SLC6A13: variants seen among roughly 807,000 people sequenced by gnomAD.
The protein encoded by SLC6A13 is sodium- and chloride-dependent GABA transporter 2.
SLC6A13 carries 69 observed loss-of-function variants against 72.9 expected under a neutral mutation model. The ratio of observed to expected loss-of-function variants is 0.95; its 90% CI spans 0.78 to 1.16. The LOEUF is 1.16. SLC6A13 is among the 50% of genes most tolerant of loss of function. The probability of loss-of-function intolerance (pLI) is 0.00; values close to 1 mark genes in which losing one functional copy is unlikely to be tolerated. For synonymous variants in SLC6A13, 303 were observed against 303.0 expected, an observed-to-expected ratio of 1.00 and a Z score of 0.00; for missense variants, 735 against 760.5, an observed-to-expected ratio of 0.97 and a Z score of 0.39.
rs754406943 is a variant in SLC6A13, at chr12:237,108, G to A, written c.696+50C>T. On this transcript the variant is annotated intron_variant, in intron 6 of 14. Coordinates refer to ENST00000343164, the MANE Select transcript of SLC6A13 (RefSeq NM_016615.5). ...GAGAACTCCTGGGTGACAGCCCCCAGTGAGGGCAGGAGTCCGGGAATGGGA... is the reference window on the plus strand; with the variant it reads ...GAGAACTCCTGGGTGACAGCCCCCAATGAGGGCAGGAGTCCGGGAATGGGA... 4.4e-6 allele frequency: 7 copies of A among 1,599,788 alleles called. No homozygotes were observed. In the African/African-American group the frequency reaches 9.4e-5, roughly 21 times the overall value.
Position 247,086 on chromosome 12 carries a change from AGTG to A in SLC6A13, c.203-3276_203-3274del, listed in dbSNP as rs1942383041. On this transcript the variant is annotated intron_variant, in intron 2 of 14. Coordinates refer to ENST00000343164, the MANE Select transcript of SLC6A13 (RefSeq NM_016615.5). ...TTTTTAAAAAGAACAGGTATGCCTA[AGTG>A]GTGAGACAGCTTCAAAAAGCCTAAT... Among the ~76,000 whole-genome samples, 10 of 151,982 alleles carry A rather than the reference AGTG, an allele frequency of 6.6e-5. No individual in the cohort carries two copies. In the South Asian group the frequency reaches 2.1e-3, roughly 32 times the overall value.
intron 2 of SLC6A13, among the ~76,000 whole-genome samples, chr12:249,750 T>A (rs1942471900): frequency 6.6e-6 from 1 of 152,042 alleles, no homozygotes; most frequent in African/African-American, 2.4e-5. Flanking sequence ...CCCAACCAAT[T>A]TTATAAAGTG....
chr12:256,658 A>T (rs1461802217), intron 2 of SLC6A13: 1 of 152,208 alleles, frequency 6.6e-6, no homozygotes, highest in Non-Finnish European at 1.5e-5. Flanking sequence ...AAACCAAAGA[A>T]GATGTCACTT....
At chr12:245,787 ATC>A (rs1461653024) in intron 2 of SLC6A13, among the ~76,000 whole-genome samples, 1 of 152,118 alleles carries the variant, frequency 6.6e-6, no homozygotes, top group East Asian at 1.9e-4. Flanking sequence ...GATCGAGACC[ATC>A]CTGGCCAACA....
chr12:251,679 G>A (rs1341715868), intron 2 of SLC6A13, among the ~76,000 whole-genome samples: 1 of 152,178 alleles, frequency 6.6e-6, no homozygotes, highest in African/African-American at 2.4e-5. Context: ...CAGTCCAGGT[G>A]CAGTGGCTCA....
At chr12:240,049 A>G (rs1489384938) in intron 4 of SLC6A13, among the ~76,000 whole-genome samples, 1 of 152,198 alleles carries the variant, frequency 6.6e-6, no homozygotes, top group Non-Finnish European at 1.5e-5. Context: ...GCCACCAAAA[A>G]TTGACAAAAT....
chr12:241,053 C>T (rs765009877), intron 4 of SLC6A13, among the ~76,000 whole-genome samples: 6 of 152,208 alleles, frequency 3.9e-5, no homozygotes, highest in Non-Finnish European at 8.8e-5. Context: ...CGCCTGTAAT[C>T]CCAGCGCTTT....
At chr12:229,745 G>A (rs1941627053) in intron 7 of SLC6A13, among the ~76,000 whole-genome samples, 1 of 152,142 alleles carries the variant, frequency 6.6e-6, no homozygotes, top group East Asian at 1.9e-4. Context: ...GTGCAGACTG[G>A]GCCATGAATT....
chr12:241,646 T>C (rs1942171911), intron 4 of SLC6A13, among the ~76,000 whole-genome samples: 1 of 152,248 alleles, frequency 6.6e-6, no homozygotes, highest in African/African-American at 2.4e-5. Flanking sequence ...AATAAATAAA[T>C]AACCACATGT....
At chr12:226,564 C>T (rs1359787210) in intron 8 of SLC6A13, 50 bp from the exon 9 acceptor site, 1 of 1,582,356 alleles carries the variant, frequency 6.3e-7, no homozygotes, top group African/African-American at 1.3e-5. Flanking sequence ...CAGAACAGGG[C>T]TGCAACCTCT....
At position 243,791 on chromosome 12, in the gene SLC6A13, G is replaced by C. The variant is rs557961684; in HGVS notation, c.225C>G (p.Leu75=). Reference sequence around the variant, plus strand: ...GAATGCCACAGGTAAAGAGGAAGACGAGGTAGGGGATGAAGAAGGCACCTG... The same window carrying C: ...GAATGCCACAGGTAAAGAGGAAGACCAGGTAGGGGATGAAGAAGGCACCTG... The part of the protein sequence containing the change: ...NGGGAFFIPY[L]VFLFTCGIPV... Residue 75 remains leucine, a synonymous_variant, in exon 3 of 15, where the codon CTC becomes CTG. Coordinates refer to ENST00000343164, the MANE Select transcript of SLC6A13 (RefSeq NM_016615.5). The C allele has an allele frequency of 5.6e-6, 9 of 1,614,034 alleles. No homozygotes were observed. In the African/African-American group the frequency reaches 1.1e-4, roughly 19 times the overall value.
chr12:252,058 G>T (rs1316301382), intron 2 of SLC6A13, among the ~76,000 whole-genome samples: 3 of 152,190 alleles, frequency 2.0e-5, no homozygotes, highest in Non-Finnish European at 2.9e-5. Context: ...GGACTTGTGT[G>T]TTAGAATATA....
intron 9 of SLC6A13, among the ~76,000 whole-genome samples, chr12:226,143 A>C (rs761449558): frequency 5.9e-5 from 9 of 152,248 alleles, no homozygotes; most frequent in Admixed American, 2.6e-4. Flanking sequence ...GAAATAGATA[A>C]CATTGGCTGC....
chr12:250,306 A>C (rs1942490769), intron 2 of SLC6A13, among the ~76,000 whole-genome samples: 1 of 152,170 alleles, frequency 6.6e-6, no homozygotes, highest in Non-Finnish European at 1.5e-5. Context: ...AGGCAAGATA[A>C]GGAATTAAAG....
rs945164918 is a variant in SLC6A13, at chr12:258,006, T to C, written c.202+1845A>G. On this transcript the variant is annotated intron_variant, in intron 2 of 14. Transcript: ENST00000343164. Reference sequence around the variant, plus strand: ...CCAATGCCAGATTAGTCCCCCAGCCTCCAGCTTTCACCCTGGGCCAGCTCC... The same window carrying C: ...CCAATGCCAGATTAGTCCCCCAGCCCCCAGCTTTCACCCTGGGCCAGCTCC... Among the ~76,000 whole-genome samples, 4 of 152,282 alleles carry C rather than the reference T, an allele frequency of 2.6e-5. No homozygotes were observed. In the East Asian group the frequency reaches 7.7e-4, roughly 29 times the overall value.
chr12:235,627 T>C (rs1941903501), intron 6 of SLC6A13, among the ~76,000 whole-genome samples: 1 of 151,906 alleles, frequency 6.6e-6, no homozygotes, highest in Non-Finnish European at 1.5e-5. Context: ...GTTTGAACAA[T>C]ATGAAATCAG....
chr12:220,962 C>G lies in SLC6A13; in HGVS notation c.1795G>C (p.Glu599Gln). 1.9e-6 allele frequency: 3 copies of G among 1,612,882 alleles called. No homozygotes were observed. The highest frequency in any genetic ancestry group is 1.7e-4 in the Middle Eastern group (1 of 6,054). The change falls in exon 15 of 15, where the codon GAG becomes CAG. Residue 599 changes from glutamate (E) to glutamine (Q), a missense_variant. Coordinates refer to ENST00000343164, the MANE Select transcript of SLC6A13 (RefSeq NM_016615.5). ...GGGCCTGCCCCCTAGCAGTGAGACT[C>G]TAGCTCTGTGAGTCTGAGCAGTGAG... Reference protein sequence around the residue: ...RTSLLRLTELESHC With the variant: ...RTSLLRLTELQSHC
chr12:258,031 C>G (rs554253149), intron 2 of SLC6A13, among the ~76,000 whole-genome samples: 2 of 152,302 alleles, frequency 1.3e-5, no homozygotes, highest in South Asian at 4.2e-4. Context: ...GGGCCAGCTC[C>G]GTCTCTCCTG....
chr12:261,090 A>G (rs1942912058), intron 1 of SLC6A13, among the ~76,000 whole-genome samples: 1 of 152,170 alleles, frequency 6.6e-6, no homozygotes, highest in South Asian at 2.1e-4. Context: ...GGAGTCTGTG[A>G]CAGTAGAGAA....
Sources: allele counts gnomAD v4.1 joint callset (sites outside exome capture counted in the v4.1 genomes callset), GRCh38; gene constraint gnomAD v4.1.1; transcripts MANE v1.5; gene names NCBI Gene and HGNC (gene_info 2026-07-23, HGNC 2026-07-21).